NFATC1: variants seen among roughly 807,000 people sequenced by gnomAD.
NFATC1 encodes the protein nuclear factor of activated T-cells, cytoplasmic 1.
Under a neutral mutation model 76.0 loss-of-function variants are expected in NFATC1, and 22 were observed. The ratio of observed to expected loss-of-function variants is 0.29; its 90% CI spans 0.21 to 0.41. NFATC1 has a LOEUF of 0.41. Ranked by LOEUF, NFATC1 falls within the 10% of genes least tolerant of loss-of-function variation. The pLI is 1.00. For synonymous variants in NFATC1, 704 were observed against 613.1 expected (o/e 1.15, Z -2.19); for missense variants, 1,357 against 1,337.7 (o/e 1.01, Z -0.23).
intron 8 of NFATC1, among the ~76,000 whole-genome samples, chr18:79,475,626 C>T (rs1185140986): frequency 9.2e-5 from 14 of 151,968 alleles, no homozygotes; most frequent in Admixed American, 8.5e-4. Flanking sequence ...GTGAGGGAAG[C>T]GTGTTCTCAC....
In NFATC1 at chr18:79,410,265, C is replaced by T; in HGVS notation, c.128-138C>T. 1 of 1,398,398 alleles carries T rather than the reference C, an allele frequency of 7.2e-7. No individual in the cohort carries two copies. 86.6% of individuals were successfully genotyped at this position (1,398,398 alleles called of 1,614,324 possible). On this transcript the variant is annotated intron_variant, in intron 1 of 9. Transcript: ENST00000427363. This position sits in a 1 kb window ranked among gnomAD's most constrained non-coding sequence, Gnocchi z 6.7. ...GCCCGGAGCTGTCCGGCAGCGTGGT[C>T]TCAGGGACGTTTGCTGAGGCCCGCT... is the stretch of plus-strand genomic sequence containing the variant.
Position 79,487,043 on chromosome 18 carries a change from C to G in NFATC1, c.2782+106C>G, listed in dbSNP as rs909109371. ...GTGTGTGGCACGTGTGGAAGTGCAC[C>G]GAGGCACCGGGCAGGGTGTGGGGTG... On this transcript the variant is annotated intron_variant, in intron 9 of 9. Coordinates refer to ENST00000427363, the MANE Select transcript of NFATC1 (RefSeq NM_001278669.2). The G allele has an allele frequency of 1.8e-5, 23 of 1,299,518 alleles. No individual in the cohort carries two copies. The South Asian group carries it at 2.7e-4, about 15-fold the overall frequency. 80.5% of individuals were successfully genotyped at this position (1,299,518 alleles called of 1,614,324 possible).
chr18:79,524,390 G>A lies in NFATC1; in HGVS notation c.2783-3138G>A, dbSNP rs2090695131. 6.6e-6 allele frequency among the ~76,000 whole-genome samples: 1 copy of A among 152,246 alleles called. No individual in the cohort carries two copies. The highest frequency in any genetic ancestry group is 2.4e-5 in the African/African-American group (1 of 41,460). The stretch of plus-strand genomic sequence containing the variant: ...GTACAGCCTCCTCTGCGGTTCGGTT[G>A]CTGTGCTGTCCTCTGCTGAGTGGTG... On this transcript the variant is annotated intron_variant, in intron 9 of 9. Coordinates refer to ENST00000427363, the MANE Select transcript of NFATC1 (RefSeq NM_001278669.2). The surrounding 1 kb of genome is among the most constrained non-coding windows in gnomAD (Gnocchi z 7.2).
chr18:79,439,808 T>C (rs1225909149), intron 3 of NFATC1, among the ~76,000 whole-genome samples: 1 of 152,210 alleles, frequency 6.6e-6, no homozygotes, highest in East Asian at 1.9e-4. Flanking sequence ...GGCTCTGTTT[T>C]GAGCGATGGG....
chr18:79,412,669 C>A (rs2085737607), intron 2 of NFATC1, among the ~76,000 whole-genome samples: 1 of 152,150 alleles, frequency 6.6e-6, no homozygotes, highest in South Asian at 2.1e-4. Flanking sequence ...CAGTAACAAG[C>A]CTCCAGGCTG....
rs180818948 is a variant in NFATC1 at position 79,403,910 on chromosome 18, G to A, written c.128-6493G>A. On this transcript the variant is annotated intron_variant, in intron 1 of 9. Coordinates refer to ENST00000427363, the MANE Select transcript of NFATC1 (RefSeq NM_001278669.2). ...AGCAGAGAGGTCCCAGGGGAGAGCT[G>A]AATTAGGAATGCTCTGTTGTTCAAG... is the stretch of plus-strand genomic sequence containing the variant. Among the ~76,000 whole-genome samples the A allele has an allele frequency of 7.5e-4, 114 of 152,358 alleles. 2 individuals are homozygous for A. In the East Asian group the frequency reaches 0.018, roughly 24 times the overall value.
At chr18:79,409,021 CCAT>C (rs1293196149) in intron 1 of NFATC1, among the ~76,000 whole-genome samples, 1 of 82,958 alleles carries the variant, frequency 1.2e-5, no homozygotes, top group African/African-American at 3.3e-5. Flanking sequence ...ATCCGTCCAT[CCAT>C]CATCCATCCA....
chr18:79,409,881 A>G (rs1465723755), intron 1 of NFATC1, among the ~76,000 whole-genome samples: 1 of 152,252 alleles, frequency 6.6e-6, no homozygotes, highest in Non-Finnish European at 1.5e-5. Context: ...ATGAGTAAAA[A>G]CAGGCTGTTA....
At chr18:79,502,989 G>A (rs563086481) in intron 9 of NFATC1, among the ~76,000 whole-genome samples, 1 of 152,326 alleles carries the variant, frequency 6.6e-6, no homozygotes, top group South Asian at 2.1e-4. Flanking sequence ...CAAGGAAACA[G>A]ATGCACACAT....
chr18:79,520,095 T>G (rs1420109304), intron 9 of NFATC1, among the ~76,000 whole-genome samples: 2 of 152,090 alleles, frequency 1.3e-5, no homozygotes, highest in Non-Finnish European at 2.9e-5. Flanking sequence ...AAGTCAGATT[T>G]AAAATGGAAT....
rs558072416 is a variant in NFATC1, at chr18:79,406,086, C to T, written c.128-4317C>T. Among the ~76,000 whole-genome samples the T allele has an allele frequency of 3.8e-3, 579 of 152,320 alleles. 5 individuals carry two copies. The highest frequency in any genetic ancestry group is 0.013 in the African/African-American group (546 of 41,548). On this transcript the variant is annotated intron_variant, in intron 1 of 9. Coordinates refer to ENST00000427363, the MANE Select transcript of NFATC1 (RefSeq NM_001278669.2). ...CCCCGTGTGGCGCAGCTCTGGGCTCCGTCACTGGCTGAGCAGCCAGTTCAG... is the reference window on the plus strand; with the variant it reads ...CCCCGTGTGGCGCAGCTCTGGGCTCTGTCACTGGCTGAGCAGCCAGTTCAG...
chr18:79,524,069 ACCCTACCC>A lies in NFATC1; in HGVS notation c.2783-3458_2783-3451del. The A allele has an allele frequency of 6.7e-6, 1 of 149,402 alleles. No homozygotes were observed. Among genetic ancestry groups the A allele is most frequent in the East Asian group, 2.0e-4 (1 of 5,006 alleles). 9.3% of individuals were successfully genotyped at this position (149,402 alleles called of 1,614,324 possible). ...AACCGTAGGTGTCATCGGCAACCATACCCTACCCAAGGAAGCCGCCCCCGGAATAGCAA... is the reference window on the plus strand; with the variant it reads ...AACCGTAGGTGTCATCGGCAACCATAAAGGAAGCCGCCCCCGGAATAGCAA... On this transcript the variant is annotated intron_variant, in intron 9 of 9. Coordinates refer to ENST00000427363, the MANE Select transcript of NFATC1 (RefSeq NM_001278669.2). This position sits in a 1 kb window ranked among gnomAD's most constrained non-coding sequence, Gnocchi z 7.2.
At chr18:79,401,612 AC>A (rs1045351577) in intron 1 of NFATC1, among the ~76,000 whole-genome samples, 8 of 152,280 alleles carry the variant, frequency 5.3e-5, no homozygotes, top group African/African-American at 1.9e-4. Context: ...TTGAGCCAGG[AC>A]ATTTCAGCAG....
intron 8 of NFATC1, among the ~76,000 whole-genome samples, chr18:79,480,511 C>T (rs745810777): frequency 4.6e-5 from 7 of 152,168 alleles, no homozygotes; most frequent in Admixed American, 3.3e-4. Flanking sequence ...GGTCGCGTGT[C>T]CCAGAGCCCT....
intron 3 of NFATC1, among the ~76,000 whole-genome samples, chr18:79,435,574 G>A (rs1020251123): frequency 3.9e-5 from 6 of 152,134 alleles, no homozygotes; most frequent in African/African-American, 1.4e-4. Context: ...TGCGGACACA[G>A]CTCAGTGCTT....
At chr18:79,400,143 G>T in intron 1 of NFATC1, 1 of 1,000,254 alleles carries the variant, frequency 1.0e-6, no homozygotes, top group Non-Finnish European at 1.2e-6. Context: ...GCGCGAGGGG[G>T]CGGGGGCGGG....
intron 9 of NFATC1, among the ~76,000 whole-genome samples, chr18:79,503,191 C>A (rs550544415): frequency 6.6e-6 from 1 of 152,352 alleles, no homozygotes; most frequent in South Asian, 2.1e-4. Flanking sequence ...CCCTCATGCT[C>A]TGGGAAAAAT....
At chr18:79,488,516 C>T (rs908424497) in intron 9 of NFATC1, among the ~76,000 whole-genome samples, 1 of 152,134 alleles carries the variant, frequency 6.6e-6, no homozygotes, top group African/African-American at 2.4e-5. Flanking sequence ...TGGGGCGGGG[C>T]CAGGACAGTG....
At chr18:79,407,007 G>C (rs1416608742) in intron 1 of NFATC1, among the ~76,000 whole-genome samples, 1 of 152,224 alleles carries the variant, frequency 6.6e-6, no homozygotes, top group Non-Finnish European at 1.5e-5. Context: ...CAGGGGCTTT[G>C]CACGGGCCAC....
Sources: gnomAD v4.1 joint callset for allele counts (sites outside exome capture counted in the v4.1 genomes callset) on GRCh38, gnomAD v4.1.1 for gene constraint, Gnocchi (gnomAD v3.1) non-coding constraint, MANE v1.5 for transcripts, NCBI Gene and HGNC (gene_info 2026-07-23, HGNC 2026-07-21) for gene names.